LARGE1: variants seen among roughly 807,000 people sequenced by gnomAD.
LARGE1 encodes LARGE xylosyl- and glucuronyltransferase 1.
In LARGE1, 43 loss-of-function variants were observed where a neutral mutation model predicts 87.6. That is an observed-to-expected ratio of 0.49 (90% CI 0.38 to 0.63). LARGE1 has a LOEUF of 0.63. Among genes scored for constraint, LARGE1 ranks in the 30% least tolerant of loss-of-function variants. The pLI, the probability that LARGE1 is intolerant of heterozygous loss-of-function variation, is 0.00. For missense variants in LARGE1, 802 were observed against 1,000.2 expected (o/e 0.80, Z 2.67); for synonymous variants, 434 against 394.6 (o/e 1.10, Z -1.18).
chr22:33,898,494 T>C (rs1007985822), intron 1 of LARGE1, among the ~76,000 whole-genome samples: 1 of 152,200 alleles, frequency 6.6e-6, no homozygotes, highest in South Asian at 2.1e-4. Context: ...TGGCTCAACG[T>C]CTATAATCCC....
Position 33,591,816 on chromosome 22 carries a change from G to A in LARGE1, c.615+12619C>T, listed in dbSNP as rs75322872. Among the ~76,000 whole-genome samples the A allele has an allele frequency of 5.8e-3, 861 of 148,078 alleles. 9 individuals are homozygous for A. Among genetic ancestry groups the A allele is most frequent in the African/African-American group, 0.021 (824 of 39,648 alleles). On this transcript the variant is annotated intron_variant, in intron 5 of 14. Transcript: ENST00000397394. ...TGGGCCAGGAGTTCAAGATCAACAC[G>A]GGCAATATAGCAAGACCCGTCTCTC...
chr22:33,142,872 G>T, the LARGE1 span, among the ~76,000 whole-genome samples: 1 of 152,162 alleles, frequency 6.6e-6, no homozygotes, highest in Non-Finnish European at 1.5e-5. Context: ...GATGTCAGTA[G>T]AAGGATTATT....
At chr22:33,646,355 T>C (rs1004897165) in intron 3 of LARGE1, among the ~76,000 whole-genome samples, 1 of 151,970 alleles carries the variant, frequency 6.6e-6, no homozygotes, top group Non-Finnish European at 1.5e-5. Context: ...AAACACCACA[T>C]GTTCTCTCTC....
intron 2 of LARGE1, among the ~76,000 whole-genome samples, chr22:33,757,355 C>A (rs943954161): frequency 1.3e-5 from 2 of 152,172 alleles, no homozygotes; most frequent in Non-Finnish European, 2.9e-5. Context: ...ATTTTCAGTT[C>A]ACTTACATCA....
intron 6 of LARGE1, among the ~76,000 whole-genome samples, chr22:33,512,500 G>T (rs1271508377): frequency 6.6e-6 from 1 of 152,188 alleles, no homozygotes; most frequent in African/African-American, 2.4e-5. Context: ...TAGATTGCAA[G>T]TAACTAATCA....
chr22:33,339,392 G>A (rs1370499234), intron 9 of LARGE1, among the ~76,000 whole-genome samples: 1 of 151,846 alleles, frequency 6.6e-6, no homozygotes, highest in East Asian at 1.9e-4. Flanking sequence ...AAAAATGTTG[G>A]TAGTGGCGTC....
chr22:33,218,975 T>A (rs56263081), intron 11 of LARGE1, among the ~76,000 whole-genome samples: 2,743 of 152,302 alleles, frequency 0.018, 33 homozygotes, highest in Non-Finnish European at 0.028. Context: ...GAATCAGTTG[T>A]GCCTTTCCCC....
chr22:33,168,410 T>C (rs1398070644), intron 11 of LARGE1, among the ~76,000 whole-genome samples: 1 of 152,242 alleles, frequency 6.6e-6, no homozygotes, highest in Admixed American at 6.5e-5. Flanking sequence ...ATGTATTCCT[T>C]GTGCTGAACC....
At position 33,567,498 on chromosome 22, in the gene LARGE1, C is replaced by G. The variant is rs142924886; in HGVS notation, c.616-2479G>C. On this transcript the variant is annotated intron_variant, in intron 5 of 14. Coordinates refer to ENST00000397394, the MANE Select transcript of LARGE1 (RefSeq NM_133642.5). ...AAACACCCTGGGTGGTAGATTCAGG[C>G]ATGCCTGGATTTAGATTCTAGTATC... Among the ~76,000 whole-genome samples the G allele has an allele frequency of 6.2e-3, 947 of 152,308 alleles. 10 individuals carry two copies. Among genetic ancestry groups the G allele is most frequent in the African/African-American group, 0.022 (905 of 41,564 alleles).
At chr22:33,232,269 G>A (rs868630441) in intron 11 of LARGE1, among the ~76,000 whole-genome samples, 4 of 152,222 alleles carry the variant, frequency 2.6e-5, no homozygotes, top group Non-Finnish European at 2.9e-5. Flanking sequence ...CGCCCATGGC[G>A]TTTTAATGAT....
chr22:33,298,052 C>T (rs888790108), intron 12 of LARGE1, among the ~76,000 whole-genome samples: 1 of 151,090 alleles, frequency 6.6e-6, no homozygotes, highest in Non-Finnish European at 1.5e-5. Context: ...CTGTACCAGT[C>T]TCATGAATGT....
chr22:33,462,824 GCTAT>G (rs1297822448), intron 6 of LARGE1, among the ~76,000 whole-genome samples: 2 of 151,946 alleles, frequency 1.3e-5, no homozygotes, highest in South Asian at 2.1e-4. Context: ...AATCAACAAG[GCTAT>G]CTAATTAATG....
chr22:33,100,365 A>G, the LARGE1 span, among the ~76,000 whole-genome samples: 1 of 150,842 alleles, frequency 6.6e-6, no homozygotes, highest in African/African-American at 2.4e-5. Context: ...AAAAAAAAAA[A>G]AAAAAAGTAA....
chr22:33,709,814 C>T (rs572798597), intron 2 of LARGE1, among the ~76,000 whole-genome samples: 4 of 151,258 alleles, frequency 2.6e-5, no homozygotes, highest in South Asian at 2.1e-4. Flanking sequence ...TTTGTACAGA[C>T]GGGGGTTTTG....
chr22:33,387,317 C>T (rs2065360059), intron 7 of LARGE1, among the ~76,000 whole-genome samples: 2 of 124,018 alleles, frequency 1.6e-5, no homozygotes, highest in Admixed American at 1.5e-4. Flanking sequence ...GTCCCAGCTA[C>T]TCCTGAGGCT....
At chr22:33,150,142 A>G in the LARGE1 span, among the ~76,000 whole-genome samples, 1 of 152,150 alleles carries the variant, frequency 6.6e-6, no homozygotes, top group Non-Finnish European at 1.5e-5. Flanking sequence ...AGTATCAAAG[A>G]ACTGAAACTC....
chr22:33,922,767 G>A (rs1487258719), upstream of LARGE1: 2 of 152,202 alleles, frequency 1.3e-5, no homozygotes, highest in African/African-American at 2.4e-5. Context: ...TTAATGCCAA[G>A]TCTTTTAGCT....
intron 11 of LARGE1, among the ~76,000 whole-genome samples, chr22:33,310,784 G>A (rs1304993561): frequency 2.0e-5 from 3 of 152,026 alleles, no homozygotes; most frequent in Admixed American, 6.6e-5. Flanking sequence ...ATTGTGGCCC[G>A]TTAAGTGCCT....
chr22:33,466,547 A>T (rs2068617122), intron 6 of LARGE1, among the ~76,000 whole-genome samples: 1 of 152,034 alleles, frequency 6.6e-6, no homozygotes, highest in Non-Finnish European at 1.5e-5. Context: ...ATGAGCTGTG[A>T]ATGTTACTTG....
Sources: allele counts gnomAD v4.1 joint callset (sites outside exome capture counted in the v4.1 genomes callset), GRCh38; gene constraint gnomAD v4.1.1; transcripts MANE v1.5; gene names NCBI Gene and HGNC (gene_info 2026-07-23, HGNC 2026-07-21).